Variants in SCIN observed in about 807,000 individuals in gnomAD.
SCIN encodes scinderin.
Under a neutral mutation model 91.8 loss-of-function variants are expected in SCIN, and 91 were observed. That is an observed-to-expected ratio of 0.99 (90% CI 0.84 to 1.18). The LOEUF is 1.18. SCIN is among the 50% of genes most tolerant of loss of function. The probability of loss-of-function intolerance (pLI) is 0.00; values close to 1 mark genes in which losing one functional copy is unlikely to be tolerated. For missense variants in SCIN, 1,087 were observed against 863.9 expected, an observed-to-expected ratio of 1.26 and a Z score of -3.24; for synonymous variants, 367 against 312.6, an observed-to-expected ratio of 1.17 and a Z score of -1.84.
chr7:12,646,556 G>A (rs985203452), intron 13 of SCIN, among the ~76,000 whole-genome samples: 2 of 152,062 alleles, frequency 1.3e-5, no homozygotes, highest in Non-Finnish European at 2.9e-5. Flanking sequence ...GAATACAGGA[G>A]TGATTTTACA....
chr7:12,607,390 C>A, intron 4 of SCIN, among the ~76,000 whole-genome samples: 1 of 152,104 alleles, frequency 6.6e-6, no homozygotes, highest in East Asian at 1.9e-4. Flanking sequence ...GGTGTCCTGG[C>A]TTATTGGATT....
chr7:12,587,088 T>C (rs1782603700), intron 3 of SCIN, among the ~76,000 whole-genome samples: 1 of 152,174 alleles, frequency 6.6e-6, no homozygotes, highest in South Asian at 2.1e-4. Flanking sequence ...GGATTTCGAG[T>C]GTTCCCAGTA....
chr7:12,593,251 T>C (rs1782764581), intron 3 of SCIN, among the ~76,000 whole-genome samples: 1 of 152,162 alleles, frequency 6.6e-6, no homozygotes, highest in South Asian at 2.1e-4. Flanking sequence ...GACTGACAGA[T>C]AGCCACTGCT....
chr7:12,595,965 C>G (rs530522864), intron 3 of SCIN, among the ~76,000 whole-genome samples: 7 of 152,086 alleles, frequency 4.6e-5, no homozygotes, highest in African/African-American at 1.7e-4. Context: ...ATTCGACTGA[C>G]GGGCATAAGG....
intron 9 of SCIN, among the ~76,000 whole-genome samples, chr7:12,630,226 C>T (rs1311270265): frequency 1.3e-5 from 2 of 151,926 alleles, no homozygotes; most frequent in African/African-American, 4.8e-5. Flanking sequence ...GATGGGATGA[C>T]ACCAAAAGAG....
At chr7:12,576,402 G>T (rs1199077979) in intron 1 of SCIN, among the ~76,000 whole-genome samples, 1 of 151,624 alleles carries the variant, frequency 6.6e-6, no homozygotes, top group African/African-American at 2.4e-5. Context: ...AAGATACTTG[G>T]TATATGAGTC....
At position 12,658,220 on chromosome 7, in the gene SCIN, A is replaced by T. The variant is rs147555680; in HGVS notation, c.*5505A>T. On this transcript the variant is annotated 3_prime_UTR_variant, in exon 16 of 16. Transcript: ENST00000297029. ...GAATAAGCAAATTTGAGTTTTCCTA[A>T]TTATTTGACATTGTCATTAGCTTGT... 6.6e-6 allele frequency: 1 copy of T among 152,312 alleles called. No homozygotes were observed. Among genetic ancestry groups the T allele is most frequent in the East Asian group, 1.9e-4 (1 of 5,182 alleles). 9.4% of individuals were successfully genotyped at this position (152,312 alleles called of 1,614,324 possible).
At position 12,654,505 on chromosome 7, in the gene SCIN, T is replaced by G. The variant is rs1784136345; in HGVS notation, c.*1790T>G. On this transcript the variant is annotated 3_prime_UTR_variant, in exon 16 of 16. Coordinates refer to ENST00000297029, the MANE Select transcript of SCIN (RefSeq NM_001112706.3). Reference sequence around the variant, plus strand: ...AATGATGTAAGTAGACATTTAACATTTCTAGGAATGTAATTGAGTGAAAAA... The same window carrying G: ...AATGATGTAAGTAGACATTTAACATGTCTAGGAATGTAATTGAGTGAAAAA... 6.6e-6 allele frequency: 1 copy of G among 152,144 alleles called. No individual in the cohort carries two copies. The highest frequency in any genetic ancestry group is 1.5e-5 in the Non-Finnish European group (1 of 68,016). The allele number at this position is 152,144 out of a possible 1,614,324, so 9.4% of individuals were successfully genotyped here.
At chr7:12,639,199 GT>G (rs1452378216) in intron 10 of SCIN, among the ~76,000 whole-genome samples, 1 of 152,088 alleles carries the variant, frequency 6.6e-6, no homozygotes, top group Admixed American at 6.6e-5. Context: ...GCCTTAATCA[GT>G]GTTTCTCTTT....
intron 4 of SCIN, among the ~76,000 whole-genome samples, chr7:12,621,465 G>T (rs556563742): frequency 6.6e-6 from 1 of 151,898 alleles, no homozygotes; most frequent in Admixed American, 6.6e-5. Context: ...CCCACTGGGA[G>T]GTTTCCTAAT....
intron 9 of SCIN, among the ~76,000 whole-genome samples, chr7:12,634,684 A>T (rs1456685586): frequency 1.3e-5 from 2 of 152,132 alleles, no homozygotes; most frequent in African/African-American, 4.8e-5. Flanking sequence ...TGCTTTTACC[A>T]TGTTTGGGGC....
At chr7:12,587,415 A>G (rs1323782161) in intron 3 of SCIN, among the ~76,000 whole-genome samples, 3 of 152,124 alleles carry the variant, frequency 2.0e-5, no homozygotes, top group Non-Finnish European at 4.4e-5. Context: ...CTAATCTATA[A>G]CCTTCGTTGA....
At chr7:12,580,199 A>G (rs1782459179) in intron 2 of SCIN, among the ~76,000 whole-genome samples, 1 of 152,060 alleles carries the variant, frequency 6.6e-6, no homozygotes, top group Admixed American at 6.6e-5. Context: ...TCTATCAGTG[A>G]CAGTTTTGTT....
intron 15 of SCIN, among the ~76,000 whole-genome samples, chr7:12,652,358 G>A (rs969555831): frequency 6.6e-6 from 1 of 152,226 alleles, no homozygotes; most frequent in East Asian, 1.9e-4. Context: ...GCCTTTCATG[G>A]CAGACGAGAG....
At chr7:12,621,518 G>A (rs1783406572) in intron 4 of SCIN, among the ~76,000 whole-genome samples, 1 of 151,988 alleles carries the variant, frequency 6.6e-6, no homozygotes, top group Admixed American at 6.6e-5. Context: ...CCTAACTATG[G>A]TCTTAGTTGG....
rs1313522361 is a variant in SCIN, at chr7:12,570,987, T to G, written c.199+2T>G. 1 of 1,547,662 alleles carries G rather than the reference T, an allele frequency of 6.5e-7. No individual in the cohort carries two copies. The highest frequency in any genetic ancestry group is 2.0e-5 in the Admixed American group (1 of 50,852). Reference sequence around the variant, plus strand: ...CCTACCACCTGCACTTCTGGCTCGGTAAGGGACGGCGGGCGGCGGGACCCC... The same window carrying G: ...CCTACCACCTGCACTTCTGGCTCGGGAAGGGACGGCGGGCGGCGGGACCCC... On this transcript the variant is annotated splice_donor_variant, in intron 1 of 15. Transcript: ENST00000297029. LOFTEE classifies it high-confidence loss of function.
At position 12,581,208 on chromosome 7, in the gene SCIN, T is replaced by C. The variant is rs1562595176; in HGVS notation, c.503T>C (p.Ile168Thr). 1.9e-6 allele frequency: 3 copies of C among 1,551,404 alleles called. No homozygotes were observed. The East Asian group carries it at 7.3e-5, about 38-fold the overall frequency. The change falls in exon 3 of 16, where the codon ATT becomes ACT. Residue 168 changes from isoleucine (I) to threonine (T), a missense_variant. Transcript: ENST00000297029. ...TTCAACAAGGGTGACTGCTTCATCATTGACCTTGGCACCGTAAGTTTCATA... is the reference window on the plus strand; with the variant it reads ...TTCAACAAGGGTGACTGCTTCATCACTGACCTTGGCACCGTAAGTTTCATA... ...DSFNKGDCFIIDLGTEIYQWC... is the reference protein window; with the variant it reads ...DSFNKGDCFITDLGTEIYQWC...
At chr7:12,625,462 G>A (rs1282283207) in intron 6 of SCIN, among the ~76,000 whole-genome samples, 1 of 94,296 alleles carries the variant, frequency 1.1e-5, no homozygotes, top group Non-Finnish European at 2.0e-5. Context: ...CCGTCGCCCA[G>A]GCTGGAGTGC....
At chr7:12,574,239 C>G (rs543751360) in intron 1 of SCIN, among the ~76,000 whole-genome samples, 1 of 152,236 alleles carries the variant, frequency 6.6e-6, no homozygotes, top group East Asian at 1.9e-4. Context: ...TTGATACATA[C>G]AACAACTTGG....
Sources: gnomAD v4.1 joint callset for allele counts (sites outside exome capture counted in the v4.1 genomes callset) on GRCh38, gnomAD v4.1.1 for gene constraint, MANE v1.5 for transcripts, NCBI Gene and HGNC (gene_info 2026-07-23, HGNC 2026-07-21) for gene names.